XPNPEP3: variants seen among roughly 807,000 people sequenced by gnomAD.
XPNPEP3 encodes the protein xaa-Pro aminopeptidase 3.
A neutral mutation model predicts 60.0 loss-of-function variants in XPNPEP3; 41 were observed. The ratio of observed to expected loss-of-function variants is 0.68; its 90% CI spans 0.53 to 0.89. The LOEUF is 0.89. XPNPEP3 is among the 40% of genes least tolerant of loss of function. XPNPEP3 has a pLI of 0.00. For missense variants in XPNPEP3, 598 were observed against 638.9 expected (o/e 0.94, Z 0.69); for synonymous variants, 212 against 223.2 (o/e 0.95, Z 0.45).
chr22:40,900,516 G>A (rs2058127816), intron 4 of XPNPEP3, among the ~76,000 whole-genome samples: 1 of 152,042 alleles, frequency 6.6e-6, no homozygotes, highest in African/African-American at 2.4e-5. Flanking sequence ...TGAGGCAGGA[G>A]AATTGCTTGA....
chr22:40,894,513 T>C (rs752447355), intron 4 of XPNPEP3, among the ~76,000 whole-genome samples: 28 of 152,234 alleles, frequency 1.8e-4, no homozygotes, highest in Non-Finnish European at 3.5e-4. Flanking sequence ...GGAAACTTCC[T>C]CGGTCAGCTA....
chr22:40,895,095 A>T (rs1002261958), intron 4 of XPNPEP3, among the ~76,000 whole-genome samples: 6 of 152,154 alleles, frequency 3.9e-5, no homozygotes, highest in African/African-American at 1.2e-4. Flanking sequence ...AATTGCCCTC[A>T]GTTCTAGAAC....
chr22:40,922,381 A>G lies in XPNPEP3; in HGVS notation c.1104A>G (p.Gln368=). The change falls in exon 8 of 10, where the codon CAA becomes CAG. Residue 368 remains glutamine, a synonymous_variant. Coordinates refer to ENST00000357137, the MANE Select transcript of XPNPEP3 (RefSeq NM_022098.4). Reference sequence around the variant, plus strand: ...TCTATGAAGCCGTTCTAGAGATCCAAAGAGATTGTTTGGCCCTCTGCTTCC... The same window carrying G: ...TCTATGAAGCCGTTCTAGAGATCCAGAGAGATTGTTTGGCCCTCTGCTTCC... The part of the protein sequence containing the change: ...AELYEAVLEI[Q]RDCLALCFPG... 6.2e-7 allele frequency: 1 copy of G among 1,613,794 alleles called. No homozygotes were observed.
chr22:40,915,753 C>CT (rs946600201), intron 7 of XPNPEP3, among the ~76,000 whole-genome samples: 5 of 152,102 alleles, frequency 3.3e-5, no homozygotes, highest in African/African-American at 1.2e-4. Flanking sequence ...TGTGGAAACT[C>CT]TGAGCCCCAA....
At chr22:40,914,822 A>G (rs568862448) in intron 7 of XPNPEP3, among the ~76,000 whole-genome samples, 1 of 152,088 alleles carries the variant, frequency 6.6e-6, no homozygotes, top group Non-Finnish European at 1.5e-5. Flanking sequence ...TCCTCCATAG[A>G]TAATAATTAT....
chr22:40,913,525 G>T (rs1199192014), intron 6 of XPNPEP3, among the ~76,000 whole-genome samples: 1 of 151,596 alleles, frequency 6.6e-6, no homozygotes, highest in East Asian at 1.9e-4. Flanking sequence ...CATACCACTG[G>T]CATGCCAACG....
intron 1 of XPNPEP3, among the ~76,000 whole-genome samples, chr22:40,867,115 G>T (rs2057982415): frequency 6.6e-6 from 1 of 152,170 alleles, no homozygotes; most frequent in Non-Finnish European, 1.5e-5. Context: ...AGGTAAGATA[G>T]CTTTGAAGGC....
chr22:40,911,036 T>C (rs1342395232), intron 6 of XPNPEP3, among the ~76,000 whole-genome samples: 1 of 151,998 alleles, frequency 6.6e-6, no homozygotes, highest in Non-Finnish European at 1.5e-5. Flanking sequence ...AAAATATATA[T>C]GATAATATAA....
intron 3 of XPNPEP3, 77 bp from the exon 4 acceptor site, chr22:40,886,236 C>G (rs1242811882): frequency 6.9e-7 from 1 of 1,458,348 alleles, no homozygotes; most frequent in Non-Finnish European, 9.5e-7. Flanking sequence ...GACTCTTGTT[C>G]AAGTCGTTAT....
intron 4 of XPNPEP3, among the ~76,000 whole-genome samples, chr22:40,906,572 G>T (rs978295814): frequency 4.6e-5 from 7 of 152,154 alleles, no homozygotes; most frequent in Non-Finnish European, 7.4e-5. Context: ...AATTGGGAAT[G>T]CTTCTGGCAT....
At chr22:40,922,723 C>T (rs571497297) in intron 8 of XPNPEP3, among the ~76,000 whole-genome samples, 237 of 135,316 alleles carry the variant, frequency 1.8e-3, no homozygotes, top group African/African-American at 7.2e-3. Context: ...TAGATATATA[C>T]ACACACACAC....
At chr22:40,919,955 G>A (rs557739722) in intron 7 of XPNPEP3, among the ~76,000 whole-genome samples, 11 of 152,330 alleles carry the variant, frequency 7.2e-5, no homozygotes, top group African/African-American at 2.6e-4. Context: ...AGTGAAGGAA[G>A]CCAGACACAA....
intron 2 of XPNPEP3, among the ~76,000 whole-genome samples, chr22:40,881,494 G>T (rs1406612833): frequency 6.6e-6 from 1 of 151,594 alleles, no homozygotes; most frequent in Non-Finnish European, 1.5e-5. Context: ...GAATATAACT[G>T]AGTGAGTAAA....
At chr22:40,857,493 G>A (rs2057908887) in intron 1 of XPNPEP3, among the ~76,000 whole-genome samples, 1 of 152,232 alleles carries the variant, frequency 6.6e-6, no homozygotes, top group African/African-American at 2.4e-5. Flanking sequence ...TCCCCCAGAG[G>A]GGCTGTCTTC....
intron 4 of XPNPEP3, among the ~76,000 whole-genome samples, chr22:40,897,846 G>A (rs959680341): frequency 2.0e-5 from 3 of 152,094 alleles, no homozygotes; most frequent in Non-Finnish European, 2.9e-5. Flanking sequence ...GTGATGTTCA[G>A]CATATTTTCA....
At position 40,857,206 on chromosome 22, in the gene XPNPEP3, A is replaced by T; in HGVS notation, c.25A>T (p.Lys9Ter). The change falls in exon 1 of 10, where the codon AAG (lysine) becomes TAG (stop). Residue 9 changes from lysine (K) to a stop codon, truncating the protein, a stop_gained. Transcript: ENST00000357137. LOFTEE classifies it high-confidence loss of function. MPWLLSAP[K>*]LVPAVANVRG... Reference sequence around the variant, plus strand: ...AATGCCTTGGCTGCTCTCAGCCCCCAAGCTGGTTCCCGCTGTAGCAAACGT... The same window carrying T: ...AATGCCTTGGCTGCTCTCAGCCCCCTAGCTGGTTCCCGCTGTAGCAAACGT... The T allele has an allele frequency of 6.2e-7, 1 of 1,614,068 alleles. No individual in the cohort carries two copies. Among genetic ancestry groups the T allele is most frequent in the Non-Finnish European group, 8.5e-7 (1 of 1,180,002 alleles).
chr22:40,901,909 ATGTT>A (rs1467193131), intron 4 of XPNPEP3, among the ~76,000 whole-genome samples: 3 of 152,124 alleles, frequency 2.0e-5, no homozygotes, highest in Non-Finnish European at 2.9e-5. Flanking sequence ...GGTGATGAAA[ATGTT>A]TGGGAACTAG....
chr22:40,924,098 G>T (rs1454301518), intron 8 of XPNPEP3, among the ~76,000 whole-genome samples: 1 of 152,072 alleles, frequency 6.6e-6, no homozygotes, highest in Non-Finnish European at 1.5e-5. Context: ...ACAGTCATTA[G>T]TTGGAATTAC....
In XPNPEP3 at chr22:40,927,538, A is replaced by G. The variant is rs1000171765; in HGVS notation, c.*1103A>G. ...ATCTTTTCTCTTCAATTTAAAGTTGATTTCTTAATGATGACTTCAAAAATT... is the reference window on the plus strand; with the variant it reads ...ATCTTTTCTCTTCAATTTAAAGTTGGTTTCTTAATGATGACTTCAAAAATT... On this transcript the variant is annotated 3_prime_UTR_variant, in exon 10 of 10. Transcript: ENST00000357137. 1 of 151,908 alleles carries G rather than the reference A, an allele frequency of 6.6e-6. No homozygotes were observed. The highest frequency in any genetic ancestry group is 1.5e-5 in the Non-Finnish European group (1 of 68,008). 9.4% of individuals were successfully genotyped at this position (151,908 alleles called of 1,614,324 possible).
Sources: gnomAD v4.1 joint callset for allele counts (sites outside exome capture counted in the v4.1 genomes callset) on GRCh38, gnomAD v4.1.1 for gene constraint, MANE v1.5 for transcripts, NCBI Gene and HGNC (gene_info 2026-07-23, HGNC 2026-07-21) for gene names.